Variants in TDRD1 observed in about 807,000 individuals in gnomAD.
TDRD1 encodes tudor domain-containing protein 1.
TDRD1 carries 37 observed loss-of-function variants against 140.6 expected under a neutral mutation model. That is an observed-to-expected ratio of 0.26 (90% CI 0.20 to 0.35). The LOEUF (loss-of-function observed/expected upper bound fraction) is 0.35. Ranked by LOEUF, TDRD1 falls within the 10% of genes least tolerant of loss-of-function variation. The probability of loss-of-function intolerance (pLI) is 1.00; values close to 1 mark genes in which losing one functional copy is unlikely to be tolerated. For missense variants in TDRD1, 1,243 were observed against 1,393.0 expected (o/e 0.89, Z 1.71); for synonymous variants, 506 against 475.7 (o/e 1.06, Z -0.83).
At chr10:114,179,014 T>G (rs537718998), upstream of TDRD1, among the ~76,000 whole-genome samples, 646 of 152,340 alleles carry the variant, frequency 4.2e-3, 3 homozygotes, top group African/African-American at 0.015. Context: ...TGTTGATTAT[T>G]TGGAAAACCT....
At position 114,210,846 on chromosome 10, in the gene TDRD1, A is replaced by C. The variant is rs762276612; in HGVS notation, c.1553-14A>C. 6.2e-7 allele frequency: 1 copy of C among 1,613,950 alleles called. No homozygotes were observed. The highest frequency in any genetic ancestry group is 8.5e-7 in the Non-Finnish European group (1 of 1,179,886). ...TAGATACGTATTTCTTTAAGATGTG[A>C]TCTTTATCTGCAGGAAAGCTTGCTG... On this transcript the variant is annotated splice_polypyrimidine_tract_variant and intron_variant, in intron 12 of 25. Coordinates refer to ENST00000251864, the Ensembl canonical transcript of TDRD1.
chr10:114,191,122 C>A (rs1248778841), intron 3 of TDRD1, 103 bp downstream of exon 3: 2 of 1,264,742 alleles, frequency 1.6e-6, no homozygotes. Flanking sequence ...CATTCAAGAT[C>A]AAATGTTTTT....
chr10:114,227,309 T>TC lies in TDRD1; in HGVS notation c.3403+11dup. Reference sequence around the variant, plus strand: ...AGTGCTTTAAATACAGGTATTCTTTTCAAGTGTTATTAATAACAGATGTTA... The same window carrying TC: ...AGTGCTTTAAATACAGGTATTCTTTTCCAAGTGTTATTAATAACAGATGTTA... On this transcript the variant is annotated intron_variant, in intron 23 of 25. Transcript: ENST00000251864. The TC allele has an allele frequency of 6.4e-7, 1 of 1,561,838 alleles. No individual in the cohort carries two copies. Among genetic ancestry groups the TC allele is most frequent in the Non-Finnish European group, 8.8e-7 (1 of 1,132,990 alleles).
intron 20 of TDRD1, among the ~76,000 whole-genome samples, chr10:114,222,353 A>G (rs1479119822): frequency 1.3e-5 from 2 of 152,226 alleles, no homozygotes; most frequent in Non-Finnish European, 2.9e-5. Context: ...TAGTTGATCC[A>G]CCGGAGGCTT....
At chr10:114,209,886 GTAGT>G (rs1194088022) in intron 11 of TDRD1, among the ~76,000 whole-genome samples, 3 of 152,186 alleles carry the variant, frequency 2.0e-5, no homozygotes, top group Admixed American at 1.3e-4. Flanking sequence ...TAAAACAGTA[GTAGT>G]TTTTGTTTTC....
At chr10:114,217,592 C>G in exon 17 of TDRD1, 1 of 1,605,002 alleles carries the variant, frequency 6.2e-7, no homozygotes, top group South Asian at 1.1e-5. Flanking sequence ...AGAACACTGC[C>G]AGCAGAAGTT....
chr10:114,202,167 A>C (rs1247080803), intron 5 of TDRD1, 71 bp from the exon 6 acceptor site: 3 of 1,199,790 alleles, frequency 2.5e-6, no homozygotes, highest in Admixed American at 2.2e-5. Flanking sequence ...AGAATACCAT[A>C]ATTGTGGTTG....
chr10:114,182,293 CAAG>C (rs561630934), intron 1 of TDRD1, among the ~76,000 whole-genome samples: 27 of 152,320 alleles, frequency 1.8e-4, no homozygotes, highest in African/African-American at 5.5e-4. Context: ...TGAAAGGAAA[CAAG>C]AAGTTTGTGG....
At position 114,223,414 on chromosome 10, in the gene TDRD1, C is replaced by A. The variant is rs182992885; in HGVS notation, c.3007+711C>A. 2.0e-5 allele frequency among the ~76,000 whole-genome samples: 3 copies of A among 152,374 alleles called. No homozygotes were observed. The East Asian group carries it at 5.8e-4, about 29-fold the overall frequency. ...GGCACAGGCCTGCCTTCTCAAAGAG[C>A]CTTCCTCAATCTTGGGCTCCAGTGG... On this transcript the variant is annotated intron_variant, in intron 21 of 25. Coordinates refer to ENST00000251864, the Ensembl canonical transcript of TDRD1.
chr10:114,231,253 G>C (rs1303367859), intron 25 of TDRD1, among the ~76,000 whole-genome samples: 1 of 152,136 alleles, frequency 6.6e-6, no homozygotes, highest in East Asian at 1.9e-4. Flanking sequence ...TATATATAAG[G>C]AGAGTGCAAA....
intron 11 of TDRD1, among the ~76,000 whole-genome samples, chr10:114,207,626 C>T (rs937744292): frequency 6.6e-6 from 1 of 151,974 alleles, no homozygotes; most frequent in South Asian, 2.1e-4. Flanking sequence ...TGGTTGAAAC[C>T]GTAGGTTCTG....
intron 25 of TDRD1, chr10:114,228,766 AT>A: frequency 1.0e-6 from 1 of 985,426 alleles, no homozygotes; most frequent in Non-Finnish European, 1.2e-6. Context: ...TCAGAAATAA[AT>A]TTTTGATTAA....
At chr10:114,230,884 G>C (rs1243543631) in intron 25 of TDRD1, among the ~76,000 whole-genome samples, 1 of 152,068 alleles carries the variant, frequency 6.6e-6, no homozygotes, top group Non-Finnish European at 1.5e-5. Context: ...GGCCAACATG[G>C]TGAAACTTTG....
At position 114,220,848 on chromosome 10, in the gene TDRD1, C is replaced by T. The variant is rs1370797505; in HGVS notation, c.2770+5C>T. ...TTCATGTACAGGGACTTCAAGGTAACATTTTAAAACCATTTATTTGTTTAA... is the reference window on the plus strand; with the variant it reads ...TTCATGTACAGGGACTTCAAGGTAATATTTTAAAACCATTTATTTGTTTAA... On this transcript the variant is annotated splice_donor_5th_base_variant and intron_variant, in intron 19 of 25. Transcript: ENST00000251864. The T allele has an allele frequency of 3.8e-6, 6 of 1,586,752 alleles. No individual in the cohort carries two copies. The highest frequency in any genetic ancestry group is 2.3e-5 in the South Asian group (2 of 88,240).
chr10:114,175,466 A>G (rs1012542259), upstream of TDRD1, among the ~76,000 whole-genome samples: 2 of 152,142 alleles, frequency 1.3e-5, no homozygotes, highest in Admixed American at 1.3e-4. Flanking sequence ...GAATTAACTC[A>G]TGGTACATTT....
chr10:114,223,208 A>C (rs1379378376), intron 21 of TDRD1, among the ~76,000 whole-genome samples: 3 of 152,250 alleles, frequency 2.0e-5, no homozygotes, highest in Non-Finnish European at 4.4e-5. Context: ...GCCAGGTTAC[A>C]GTGCTGCTTC....
intron 11 of TDRD1, among the ~76,000 whole-genome samples, chr10:114,208,520 T>C (rs2035272052): frequency 6.6e-6 from 1 of 152,198 alleles, no homozygotes. Context: ...CATACCGAGC[T>C]AGCGACATCA....
At chr10:114,196,076 A>G (rs1327496409) in intron 3 of TDRD1, among the ~76,000 whole-genome samples, 1 of 152,198 alleles carries the variant, frequency 6.6e-6, no homozygotes, top group Non-Finnish European at 1.5e-5. Context: ...CAGACAGTTT[A>G]TCATTTTTGC....
chr10:114,228,512 T>C (rs1360210937), intron 25 of TDRD1: 3 of 999,040 alleles, frequency 3.0e-6, no homozygotes, highest in African/African-American at 1.7e-5. Context: ...TTGCTGTAAA[T>C]ATGTTTAGCA....
Sources: gnomAD v4.1 joint callset for allele counts (sites outside exome capture counted in the v4.1 genomes callset) on GRCh38, gnomAD v4.1.1 for gene constraint, MANE v1.5 for transcripts, NCBI Gene and HGNC (gene_info 2026-07-23, HGNC 2026-07-21) for gene names.